Variants in TMEM132D observed in about 807,000 individuals in gnomAD.
The protein encoded by TMEM132D is mature OL transmembrane protein.
A neutral mutation model predicts 62.3 loss-of-function variants in TMEM132D; 21 were observed. That is an observed-to-expected ratio of 0.34 (90% CI 0.24 to 0.49). The LOEUF (loss-of-function observed/expected upper bound fraction) is 0.49, where lower values mean the gene tolerates loss of function less well. TMEM132D is among the 20% of genes least tolerant of loss of function. The pLI is 0.99. For synonymous variants in TMEM132D, 621 were observed against 575.6 expected (o/e 1.08, Z -1.13); for missense variants, 1,346 against 1,402.8 (o/e 0.96, Z 0.65).
rs1219574457 is a variant in TMEM132D, at chr12:129,779,605, GT to G, written c.80-78908del. 6.6e-6 allele frequency among the ~76,000 whole-genome samples: 1 copy of G among 152,106 alleles called. No individual in the cohort carries two copies. The highest frequency in any genetic ancestry group is 2.4e-5 in the African/African-American group (1 of 41,436). ...GCCCAGGTTTTTGTTATTGTTTTGGGTTTTTTTGTTTGTTTCTTTTGTTTCT... is the reference window on the plus strand; with the variant it reads ...GCCCAGGTTTTTGTTATTGTTTTGGGTTTTTTGTTTGTTTCTTTTGTTTCT... On this transcript the variant is annotated intron_variant, in intron 1 of 8. Coordinates refer to ENST00000422113, the MANE Select transcript of TMEM132D (RefSeq NM_133448.3). This position sits in a 1 kb window ranked among gnomAD's most constrained non-coding sequence, Gnocchi z 4.1.
chr12:129,879,345 T>C (rs1264219599), intron 1 of TMEM132D, among the ~76,000 whole-genome samples: 2 of 152,210 alleles, frequency 1.3e-5, no homozygotes, highest in Non-Finnish European at 2.9e-5. Context: ...ACAATGTTTA[T>C]TAAAAGGCTT....
At chr12:129,745,997 C>T (rs535977009) in intron 1 of TMEM132D, among the ~76,000 whole-genome samples, 3 of 152,250 alleles carry the variant, frequency 2.0e-5, no homozygotes, top group African/African-American at 7.2e-5. Context: ...TCTTAGAAGG[C>T]TGACATTCAT....
At chr12:129,732,663 G>C (rs566984623) in intron 1 of TMEM132D, among the ~76,000 whole-genome samples, 3 of 152,256 alleles carry the variant, frequency 2.0e-5, no homozygotes, top group African/African-American at 7.2e-5. Context: ...AGAAGCAAAT[G>C]CTGGTGTTAT....
rs79581105 is a variant in TMEM132D at position 129,381,266 on chromosome 12, A to G, written c.1116-43449T>C. Among the ~76,000 whole-genome samples, 418 of 152,342 alleles carry G rather than the reference A, an allele frequency of 2.7e-3. 3 individuals are homozygous for G. Among genetic ancestry groups the G allele is most frequent in the African/African-American group, 9.5e-3 (396 of 41,588 alleles). ...AGTATTTTATTTCTTCTTTTCTCCT[A>G]TGAGCTCTTATAGCTATACAAATAA... is the stretch of plus-strand genomic sequence containing the variant. On this transcript the variant is annotated intron_variant, in intron 3 of 8. Transcript: ENST00000422113.
chr12:129,292,182 T>G, intron 4 of TMEM132D, among the ~76,000 whole-genome samples: 1 of 152,188 alleles, frequency 6.6e-6, no homozygotes, highest in Non-Finnish European at 1.5e-5. Flanking sequence ...GCAAAATAAA[T>G]TCATCCACAT....
intron 2 of TMEM132D, among the ~76,000 whole-genome samples, chr12:129,570,347 A>G (rs1035617780): frequency 6.6e-6 from 1 of 152,244 alleles, no homozygotes; most frequent in Non-Finnish European, 1.5e-5. Flanking sequence ...TGGTGCCACA[A>G]GGACATCTAC....
chr12:129,673,795 A>G (rs1359145978), intron 2 of TMEM132D, among the ~76,000 whole-genome samples: 3 of 152,200 alleles, frequency 2.0e-5, no homozygotes, highest in Non-Finnish European at 4.4e-5. Flanking sequence ...TAGCAATCTG[A>G]GAGTCCCTTA....
chr12:129,555,420 T>C (rs537074871), intron 2 of TMEM132D, among the ~76,000 whole-genome samples: 4 of 152,204 alleles, frequency 2.6e-5, no homozygotes, highest in Admixed American at 2.0e-4. Context: ...TTGAGCAGAG[T>C]TGGATTACCT....
intron 1 of TMEM132D, among the ~76,000 whole-genome samples, chr12:129,809,484 C>A (rs906327042): frequency 6.6e-6 from 1 of 151,778 alleles, no homozygotes; most frequent in Non-Finnish European, 1.5e-5. Flanking sequence ...GTTTCTGAGA[C>A]GACTGTCTGG....
rs555008133 is a variant in TMEM132D at position 129,228,771 on chromosome 12, G to C, written c.1300-19108C>G. Among the ~76,000 whole-genome samples, 16 of 152,278 alleles carry C rather than the reference G, an allele frequency of 1.1e-4. No homozygotes were observed. The South Asian group carries it at 3.3e-3, about 32-fold the overall frequency. On this transcript the variant is annotated intron_variant, in intron 4 of 8. Coordinates refer to ENST00000422113, the MANE Select transcript of TMEM132D (RefSeq NM_133448.3). ...TTTCCATTTAACAAAAATCAATTCC[G>C]ATGCTGTTATGATCAGTTAATCAAC...
intron 2 of TMEM132D, among the ~76,000 whole-genome samples, chr12:129,641,505 G>A (rs1879638871): frequency 1.3e-5 from 2 of 152,172 alleles, no homozygotes; most frequent in African/African-American, 4.8e-5. Context: ...AGATCACAAG[G>A]TGCTACTAAC....
chr12:129,690,419 A>T (rs1376522411), intron 2 of TMEM132D, among the ~76,000 whole-genome samples: 1 of 152,184 alleles, frequency 6.6e-6, no homozygotes, highest in African/African-American at 2.4e-5. Context: ...AAAGTAGATT[A>T]AAAAACATGA....
At chr12:129,206,153 A>G (rs1386030644) in intron 5 of TMEM132D, among the ~76,000 whole-genome samples, 2 of 152,240 alleles carry the variant, frequency 1.3e-5, no homozygotes, top group Non-Finnish European at 2.9e-5. Flanking sequence ...AACTCAACAG[A>G]GTAAACAGAC....
intron 4 of TMEM132D, among the ~76,000 whole-genome samples, chr12:129,285,539 A>AAAAAAAAAAATG (rs56018646): frequency 1.1e-5 from 1 of 90,078 alleles, no homozygotes; most frequent in East Asian, 3.5e-4. Flanking sequence ...AAAAAAAAAA[A>AAAAAAAAAAATG]AGAGAGAGAG....
chr12:129,475,956 A>G (rs1874243852), intron 3 of TMEM132D, among the ~76,000 whole-genome samples: 1 of 152,256 alleles, frequency 6.6e-6, no homozygotes, highest in South Asian at 2.1e-4. Flanking sequence ...CTTCCTATTT[A>G]TATAGAGAAT....
chr12:129,216,372 G>A (rs1317777959), intron 4 of TMEM132D, among the ~76,000 whole-genome samples: 1 of 152,222 alleles, frequency 6.6e-6, no homozygotes, highest in Non-Finnish European at 1.5e-5. Flanking sequence ...CTCTGTAGAT[G>A]TGATTAGTTG....
chr12:129,465,315 C>T (rs1051263847), intron 3 of TMEM132D, among the ~76,000 whole-genome samples: 1 of 152,108 alleles, frequency 6.6e-6, no homozygotes, highest in African/African-American at 2.4e-5. Context: ...TAAGAGCTAG[C>T]TATGACAAAC....
chr12:129,753,810 C>A (rs952705404), intron 1 of TMEM132D, among the ~76,000 whole-genome samples: 7 of 152,192 alleles, frequency 4.6e-5, no homozygotes, highest in African/African-American at 1.7e-4. Context: ...CCCTGCTAAC[C>A]GTGCTGGGAA....
chr12:129,754,667 G>A (rs1038475306), intron 1 of TMEM132D, among the ~76,000 whole-genome samples: 4 of 152,226 alleles, frequency 2.6e-5, no homozygotes, highest in Admixed American at 1.3e-4. Flanking sequence ...AAAAGGGATG[G>A]CCATAAAATT....
Sources: gnomAD v4.1 joint callset for allele counts (sites outside exome capture counted in the v4.1 genomes callset) on GRCh38, gnomAD v4.1.1 for gene constraint, Gnocchi (gnomAD v3.1) non-coding constraint, MANE v1.5 for transcripts, NCBI Gene and HGNC (gene_info 2026-07-23, HGNC 2026-07-21) for gene names.